Variants in CYP24A1 observed in about 807,000 individuals in gnomAD.
CYP24A1 encodes the protein 1,25-dihydroxyvitamin D(3) 24-hydroxylase, mitochondrial.
In CYP24A1, 68 loss-of-function variants were observed where a neutral mutation model predicts 62.4. The observed-to-expected ratio is 1.09, with a 90% CI of 0.90 to 1.33. The LOEUF is 1.33. CYP24A1 is among the 40% of genes most tolerant of loss of function. CYP24A1 has a pLI of 0.00. For missense variants in CYP24A1, 787 were observed against 653.0 expected (o/e 1.21, Z -2.24); for synonymous variants, 267 against 253.0 (o/e 1.06, Z -0.52).
intron 3 of CYP24A1, among the ~76,000 whole-genome samples, chr20:54,171,307 G>A (rs964047835): frequency 6.6e-6 from 1 of 152,074 alleles, no homozygotes; most frequent in Non-Finnish European, 1.5e-5. Flanking sequence ...GGAAAGCTGG[G>A]GTTCAAATCC....
downstream of CYP24A1, among the ~76,000 whole-genome samples, chr20:54,149,656 T>C (rs2762929): frequency 0.5 from 76,107 of 151,826 alleles, 20,499 homozygotes; most frequent in East Asian, 0.69. Flanking sequence ...TATGGGGAAA[T>C]TACTTACACA....
chr20:54,145,410 C>G, the CYP24A1 span, among the ~76,000 whole-genome samples: 1 of 151,948 alleles, frequency 6.6e-6, no homozygotes, highest in Non-Finnish European at 1.5e-5. Flanking sequence ...CTCTATAAGG[C>G]GGGCAGATCA....
intron 5 of CYP24A1, 66 bp from the exon 6 acceptor site, chr20:54,164,629 G>A: frequency 1.2e-6 from 2 of 1,612,628 alleles, no homozygotes; most frequent in South Asian, 2.2e-5. Context: ...GTTCGTTCTG[G>A]AAGAGGAACA....
intron 9 of CYP24A1, 151 bp downstream of exon 9, chr20:54,157,935 C>A (rs1306056085): frequency 3.6e-6 from 5 of 1,370,964 alleles, no homozygotes; most frequent in Non-Finnish European, 4.9e-6. Context: ...AATTCTAATT[C>A]TATACTATGC....
chr20:54,155,588 C>T (rs998004159), intron 11 of CYP24A1, among the ~76,000 whole-genome samples: 2 of 151,828 alleles, frequency 1.3e-5, no homozygotes, highest in Admixed American at 6.6e-5. Flanking sequence ...AAAAAATTAG[C>T]TGGGTGTGGT....
At chr20:54,165,956 G>A in intron 4 of CYP24A1, 123 bp from the exon 5 acceptor site, 2 of 746,840 alleles carry the variant, frequency 2.7e-6, no homozygotes, top group Non-Finnish European at 4.8e-6. Context: ...CTGAGAAAAG[G>A]CAACAGTCCA....
In CYP24A1 at chr20:54,165,812, T is replaced by C. The variant is rs2092669932; in HGVS notation, c.662A>G (p.Glu221Gly). 1.4e-6 allele frequency: 2 copies of C among 1,475,120 alleles called. No individual in the cohort carries two copies. The highest frequency in any genetic ancestry group is 2.3e-5 in the East Asian group (1 of 44,262). 91.4% of individuals were successfully genotyped at this position (1,475,120 alleles called of 1,614,324 possible). A position where few individuals can be genotyped will look rare whatever the true frequency, so the allele number is the denominator to read the frequency against. Reference sequence around the variant, plus strand: ...CTTCTGGAGAAGCCCAAATCTCTTCTCATACAACACGAGGCAGATACCTGT... The same window carrying C: ...CTTCTGGAGAAGCCCAAATCTCTTCCCATACAACACGAGGCAGATACCTGT... ...SFESICLVLY[E>G]KRFGLLQKNA... The change falls in exon 5 of 12, where the codon GAG becomes GGG. Residue 221 changes from glutamate (E) to glycine (G), a missense_variant. Transcript: ENST00000216862.
At chr20:54,152,400 G>T (rs2092613974), downstream of CYP24A1, among the ~76,000 whole-genome samples, 1 of 152,188 alleles carries the variant, frequency 6.6e-6, no homozygotes, top group South Asian at 2.1e-4. Flanking sequence ...CGCTTGTTTG[G>T]CTTCTTTCCC....
intron 8 of CYP24A1, 122 bp from the exon 9 acceptor site, chr20:54,158,286 G>A: frequency 1.3e-6 from 2 of 1,525,888 alleles, no homozygotes; most frequent in Non-Finnish European, 8.8e-7. Context: ...GAGGCAGCAT[G>A]ATCACAGATC....
At position 54,157,288 on chromosome 20, in the gene CYP24A1, A is replaced by G. The variant is rs1273256748; in HGVS notation, c.1436T>C (p.Ile479Thr). ...ELQLHLALCWIVRKYDIQATD... is the reference protein window; with the variant it reads ...ELQLHLALCWTVRKYDIQATD... ...GGCCTGGATGTCGTATTTGCGGACA[A>G]TCTGTAATGCACACGCACACAAAAA... The change falls in exon 11 of 12, where the codon ATT (isoleucine) becomes ACT (threonine). Residue 479 changes from isoleucine (I) to threonine (T), a missense_variant and splice_region_variant. Coordinates refer to ENST00000216862, the MANE Select transcript of CYP24A1 (RefSeq NM_000782.5). 6.3e-7 allele frequency: 1 copy of G among 1,591,706 alleles called. No homozygotes were observed. Among genetic ancestry groups the G allele is most frequent in the Non-Finnish European group, 8.6e-7 (1 of 1,159,806 alleles).
downstream of CYP24A1, among the ~76,000 whole-genome samples, chr20:54,149,790 G>A (rs1224571809): frequency 2.6e-5 from 4 of 152,140 alleles, no homozygotes; most frequent in Admixed American, 2.0e-4. Flanking sequence ...CTCACTCAAT[G>A]AGAACAGCAA....
intron 4 of CYP24A1, among the ~76,000 whole-genome samples, chr20:54,169,139 G>T (rs2092685032): frequency 6.6e-6 from 1 of 152,042 alleles, no homozygotes; most frequent in South Asian, 2.1e-4. Context: ...CTGGCCTCAA[G>T]CGATCTGCCC....
the CYP24A1 span, among the ~76,000 whole-genome samples, chr20:54,147,403 G>A: frequency 5.3e-5 from 8 of 152,138 alleles, no homozygotes; most frequent in African/African-American, 1.2e-4. Flanking sequence ...AAAATGAGGC[G>A]TGCCAGGTGC....
chr20:54,164,316 A>G (rs564195643), intron 6 of CYP24A1, 136 bp downstream of exon 6: 3 of 1,523,090 alleles, frequency 2.0e-6, no homozygotes, highest in Non-Finnish European at 2.7e-6. Flanking sequence ...TGCTGGGGCA[A>G]TCCCCAAAAC....
At chr20:54,158,063 T>C in intron 9 of CYP24A1, 23 bp downstream of exon 9, 2 of 1,612,936 alleles carry the variant, frequency 1.2e-6, no homozygotes, top group South Asian at 1.1e-5. Context: ...TTGTAAGGTA[T>C]AGAATATACA....
rs778693884 is a variant in CYP24A1 at position 54,164,492 on chromosome 20, C to T, written c.804G>A (p.Trp268Ter). Residue 268 changes from tryptophan to a stop codon, truncating the protein, a stop_gained, in exon 6 of 12, where the codon TGG becomes TGA. Transcript: ENST00000216862. LOFTEE classifies it high-confidence loss of function. ...TGTCCCAGGCCAGAGTGTGGTCCTG[C>T]CAGACCTTGGTGTTGAGGCTCTTGT... Reference protein sequence around the residue: ...ELHKSLNTKVWQDHTLAWDTI... With the variant: ...ELHKSLNTKV 4 of 1,613,992 alleles carry T rather than the reference C, an allele frequency of 2.5e-6. No individual in the cohort carries two copies. The highest frequency in any genetic ancestry group is 2.5e-6 in the Non-Finnish European group (3 of 1,180,022).
At chr20:54,171,544 GA>G in intron 3 of CYP24A1, 32 bp downstream of exon 3, 1 of 1,613,544 alleles carries the variant, frequency 6.2e-7, no homozygotes, top group East Asian at 2.2e-5. Context: ...ATGTCCCCAC[GA>G]GCCCCAGGAA....
At chr20:54,152,310 AG>A (rs2092613839), downstream of CYP24A1, among the ~76,000 whole-genome samples, 1 of 152,200 alleles carries the variant, frequency 6.6e-6, no homozygotes, top group African/African-American at 2.4e-5. Context: ...CCTGGGCACA[AG>A]GAGAACAAAC....
At position 54,173,602 on chromosome 20, in the gene CYP24A1, C is replaced by A. The variant is rs776599088; in HGVS notation, c.-23G>T. On this transcript the variant is annotated 5_prime_UTR_variant, in exon 1 of 12. Coordinates refer to ENST00000216862, the MANE Select transcript of CYP24A1 (RefSeq NM_000782.5). This position sits in a 1 kb window ranked among gnomAD's most constrained non-coding sequence, Gnocchi z 7.2. ...CATGGCAGCGGGGGACACCGGAGCG[C>A]GGGAAGGCAGGAGGATGGGGTGGGG... 1.9e-6 allele frequency: 3 copies of A among 1,551,806 alleles called. No individual in the cohort carries two copies. In the East Asian group the frequency reaches 6.9e-5, roughly 36 times the overall value.
Sources: gnomAD v4.1 joint callset for allele counts (sites outside exome capture counted in the v4.1 genomes callset) on GRCh38, gnomAD v4.1.1 for gene constraint, Gnocchi (gnomAD v3.1) non-coding constraint, MANE v1.5 for transcripts, NCBI Gene and HGNC (gene_info 2026-07-23, HGNC 2026-07-21) for gene names.